FBXL17: variants seen among roughly 807,000 people sequenced by gnomAD.
FBXL17 encodes the protein F-box and leucine rich repeat protein 17.
A neutral mutation model predicts 66.2 loss-of-function variants in FBXL17; 22 were observed. The observed-to-expected ratio is 0.33, with a 90% confidence interval of 0.24 to 0.47. The LOEUF (loss-of-function observed/expected upper bound fraction) is 0.47. FBXL17 is among the 20% of genes least tolerant of loss of function. The probability of loss-of-function intolerance (pLI) is 1.00; values close to 1 mark genes in which losing one functional copy is unlikely to be tolerated. For synonymous variants in FBXL17, 474 were observed against 400.5 expected (o/e 1.18, Z -2.19); for missense variants, 878 against 948.2 (o/e 0.93, Z 0.97).
intron 5 of FBXL17, among the ~76,000 whole-genome samples, chr5:108,196,367 C>A (rs1466419309): frequency 6.6e-6 from 1 of 152,148 alleles, no homozygotes; most frequent in South Asian, 2.1e-4. Context: ...TGTAAAGCTA[C>A]CTGGGATGCC....
At chr5:108,257,845 T>C (rs1278286957) in intron 4 of FBXL17, among the ~76,000 whole-genome samples, 1 of 152,188 alleles carries the variant, frequency 6.6e-6, no homozygotes, top group Non-Finnish European at 1.5e-5. Flanking sequence ...TGTTGGTACC[T>C]GGACCGAGGA....
intron 8 of FBXL17, among the ~76,000 whole-genome samples, chr5:107,865,380 C>T (rs138398184): frequency 8.8e-5 from 13 of 147,862 alleles, no homozygotes; most frequent in African/African-American, 2.3e-4. Context: ...AATAATTGTT[C>T]ACTTTAGTAA....
chr5:108,209,822 C>T lies in FBXL17; in HGVS notation c.1614+14299G>A, dbSNP rs182281747. Among the ~76,000 whole-genome samples, 43 of 152,256 alleles carry T rather than the reference C, an allele frequency of 2.8e-4. No homozygotes were observed. The South Asian group carries it at 7.1e-3, about 25-fold the overall frequency. ...TTTGGTAACAGGATGATGCTGGCCACATAAAATGAGTTAAGGAGGATTCCC... is the reference window on the plus strand; with the variant it reads ...TTTGGTAACAGGATGATGCTGGCCATATAAAATGAGTTAAGGAGGATTCCC... On this transcript the variant is annotated intron_variant, in intron 5 of 8. Transcript: ENST00000542267.
intron 4 of FBXL17, 112 bp from the exon 5 acceptor site, chr5:108,224,340 T>C: frequency 2.0e-6 from 1 of 494,596 alleles, no homozygotes; most frequent in Non-Finnish European, 3.7e-6. Context: ...TTTCCTGCCC[T>C]GTTAGATCAT....
intron 4 of FBXL17, among the ~76,000 whole-genome samples, chr5:108,347,648 T>C (rs1000913507): frequency 1.3e-5 from 2 of 152,092 alleles, no homozygotes; most frequent in South Asian, 2.1e-4. Flanking sequence ...AGATAGAAAG[T>C]AGATTAGCAG....
chr5:107,869,861 CA>C (rs1189508274), intron 8 of FBXL17, among the ~76,000 whole-genome samples: 1 of 152,184 alleles, frequency 6.6e-6, no homozygotes, highest in African/African-American at 2.4e-5. Flanking sequence ...CTTTCTCAGA[CA>C]AACCAAGGCC....
intron 6 of FBXL17, among the ~76,000 whole-genome samples, chr5:108,128,140 G>T (rs1400397124): frequency 6.6e-6 from 1 of 151,942 alleles, no homozygotes; most frequent in Non-Finnish European, 1.5e-5. Context: ...TAGCTACTGG[G>T]GAGGATGAAG....
At chr5:108,052,755 A>C (rs1464145576) in intron 6 of FBXL17, among the ~76,000 whole-genome samples, 3 of 152,224 alleles carry the variant, frequency 2.0e-5, no homozygotes, top group Non-Finnish European at 4.4e-5. Flanking sequence ...CCTAAGCAAA[A>C]AGAACAAAAC....
chr5:108,240,542 A>T (rs1208875255), intron 4 of FBXL17, among the ~76,000 whole-genome samples: 1 of 152,132 alleles, frequency 6.6e-6, no homozygotes, highest in East Asian at 1.9e-4. Context: ...ACCACAGTAG[A>T]ATAGAACACC....
At chr5:108,307,218 A>G (rs1052954993) in intron 4 of FBXL17, among the ~76,000 whole-genome samples, 1 of 152,146 alleles carries the variant, frequency 6.6e-6, no homozygotes, top group Non-Finnish European at 1.5e-5. Context: ...CTGTTTTAAA[A>G]AAGAGAAAAA....
intron 7 of FBXL17, among the ~76,000 whole-genome samples, chr5:107,955,717 T>A (rs1751642062): frequency 6.6e-6 from 1 of 152,204 alleles, no homozygotes; most frequent in Non-Finnish European, 1.5e-5. Flanking sequence ...TACACCTATT[T>A]TTCCTCCAAA....
intron 5 of FBXL17, among the ~76,000 whole-genome samples, chr5:108,199,280 C>G (rs946821925): frequency 6.6e-5 from 10 of 152,046 alleles, no homozygotes; most frequent in Admixed American, 6.6e-4. Context: ...AATTGTCAAT[C>G]AAAACTATCC....
At chr5:108,218,918 T>C (rs891380085) in intron 5 of FBXL17, among the ~76,000 whole-genome samples, 1 of 152,190 alleles carries the variant, frequency 6.6e-6, no homozygotes, top group African/African-American at 2.4e-5. Context: ...ACAGATACAA[T>C]GGATTTTTGT....
intron 7 of FBXL17, among the ~76,000 whole-genome samples, chr5:107,962,412 C>G (rs1175218540): frequency 6.6e-6 from 1 of 152,200 alleles, no homozygotes; most frequent in South Asian, 2.1e-4. Context: ...CCCATCCATT[C>G]TGTGTCAGAC....
At chr5:107,900,597 A>G (rs961289579) in intron 7 of FBXL17, among the ~76,000 whole-genome samples, 2 of 104,880 alleles carry the variant, frequency 1.9e-5, no homozygotes, top group African/African-American at 7.2e-5. Flanking sequence ...TACTGATTAC[A>G]TTTTTTTAGA....
chr5:108,326,377 G>A (rs1275908347), intron 4 of FBXL17, among the ~76,000 whole-genome samples: 1 of 151,982 alleles, frequency 6.6e-6, no homozygotes, highest in East Asian at 1.9e-4. Context: ...CAGATAACCT[G>A]AGGCAAGAAG....
chr5:108,365,026 T>C, intron 2 of FBXL17, 31 bp from the exon 3 acceptor site: 1 of 1,534,938 alleles, frequency 6.5e-7, no homozygotes, highest in Non-Finnish European at 8.8e-7. Flanking sequence ...AATTTAAACT[T>C]TTGCTAAAAA....
At chr5:108,201,892 T>A (rs929298695) in intron 5 of FBXL17, among the ~76,000 whole-genome samples, 6 of 148,990 alleles carry the variant, frequency 4.0e-5, no homozygotes, top group Admixed American at 3.4e-4. Flanking sequence ...CAGCTCATAA[T>A]CTCTTTCTTG....
At chr5:107,913,867 A>C (rs1343616912) in intron 7 of FBXL17, among the ~76,000 whole-genome samples, 1 of 152,268 alleles carries the variant, frequency 6.6e-6, no homozygotes, top group South Asian at 2.1e-4. Flanking sequence ...TGTGAAAAAC[A>C]GTACAAGAGC....
Sources: allele counts gnomAD v4.1 joint callset (sites outside exome capture counted in the v4.1 genomes callset), GRCh38; gene constraint gnomAD v4.1.1; transcripts MANE v1.5; gene names NCBI Gene and HGNC (gene_info 2026-07-23, HGNC 2026-07-21).